PACSIN2: variants seen among roughly 807,000 people sequenced by gnomAD.
PACSIN2 encodes protein kinase C and casein kinase substrate in neurons 2.
PACSIN2 carries 25 observed loss-of-function variants against 63.8 expected under a neutral mutation model. The ratio of observed to expected loss-of-function variants is 0.39; its 90% CI spans 0.29 to 0.55. The LOEUF (loss-of-function observed/expected upper bound fraction) is 0.55, where lower values mean the gene tolerates loss of function less well. PACSIN2 is among the 20% of genes least tolerant of loss of function. PACSIN2 has a pLI of 0.62. For synonymous variants in PACSIN2, 255 were observed against 256.2 expected, an observed-to-expected ratio of 1.00 and a Z score of 0.05; for missense variants, 518 against 646.9, an observed-to-expected ratio of 0.80 and a Z score of 2.16.
chr22:42,911,142 G>C (rs1052043939), intron 2 of PACSIN2, among the ~76,000 whole-genome samples: 1 of 151,652 alleles, frequency 6.6e-6, no homozygotes, highest in African/African-American at 2.4e-5. Context: ...CTGACCTCAA[G>C]ATCCACCCGC....
At chr22:42,892,588 G>A (rs1929990818) in intron 3 of PACSIN2, among the ~76,000 whole-genome samples, 1 of 152,188 alleles carries the variant, frequency 6.6e-6, no homozygotes, top group Non-Finnish European at 1.5e-5. Flanking sequence ...ACCGACCAAG[G>A]GAGCTGACCT....
chr22:42,892,942 T>C (rs1381680722), intron 3 of PACSIN2, among the ~76,000 whole-genome samples: 2 of 152,170 alleles, frequency 1.3e-5, no homozygotes, highest in African/African-American at 4.8e-5. Flanking sequence ...GTGGCACTAA[T>C]AAAGCTACAG....
chr22:42,975,537 TTA>T, intron 1 of PACSIN2, among the ~76,000 whole-genome samples: 1 of 150,182 alleles, frequency 6.7e-6, no homozygotes, highest in Non-Finnish European at 1.5e-5. Flanking sequence ...TGCAGATTAC[TTA>T]TGAGTCTCTT....
intron 2 of PACSIN2, among the ~76,000 whole-genome samples, chr22:42,910,476 T>C (rs1456556718): frequency 5.3e-5 from 8 of 152,212 alleles, no homozygotes; most frequent in Admixed American, 3.3e-4. Flanking sequence ...CAGCGGGACC[T>C]GATTACTGTG....
intron 1 of PACSIN2, among the ~76,000 whole-genome samples, chr22:42,941,098 GGATTT>G (rs1933138664): frequency 6.6e-6 from 1 of 152,108 alleles, no homozygotes; most frequent in Admixed American, 6.5e-5. Flanking sequence ...CTGTCTCTAT[GGATTT>G]GCCTATGCTG....
chr22:42,991,433 T>C (rs1351794726), intron 1 of PACSIN2, among the ~76,000 whole-genome samples: 2 of 152,162 alleles, frequency 1.3e-5, no homozygotes, highest in Non-Finnish European at 2.9e-5. Context: ...AGAAGGCTTC[T>C]TCTCCCTCCA....
chr22:42,957,803 T>C (rs1463573893), intron 1 of PACSIN2, among the ~76,000 whole-genome samples: 6 of 152,180 alleles, frequency 3.9e-5, no homozygotes, highest in Non-Finnish European at 8.8e-5. Context: ...AGTGCTTGTC[T>C]GTTTCTTGTA....
chr22:42,898,701 G>T (rs186080829), intron 2 of PACSIN2, among the ~76,000 whole-genome samples: 1 of 152,112 alleles, frequency 6.6e-6, no homozygotes. Flanking sequence ...CCTTCCCCGA[G>T]CCCAGGACTC....
At chr22:43,009,037 G>C (rs1924280582) in intron 1 of PACSIN2, among the ~76,000 whole-genome samples, 1 of 152,210 alleles carries the variant, frequency 6.6e-6, no homozygotes, top group Non-Finnish European at 1.5e-5. Flanking sequence ...TCCAAATTCA[G>C]AGAGAAAAAC....
chr22:42,948,417 AGTG>A (rs1365534615), intron 1 of PACSIN2, among the ~76,000 whole-genome samples: 2 of 152,238 alleles, frequency 1.3e-5, no homozygotes, highest in African/African-American at 4.8e-5. Flanking sequence ...GCTATCTAGA[AGTG>A]AACTACCTAA....
In PACSIN2 at chr22:42,871,123, G is replaced by C. The variant is rs1207550238; in HGVS notation, c.*234C>G. 1.8e-6 allele frequency: 1 copy of C among 566,178 alleles called. No homozygotes were observed. The highest frequency in any genetic ancestry group is 2.9e-5 in the East Asian group (1 of 33,966). The allele number at this position is 566,178 out of a possible 1,614,324, so 35.1% of individuals were successfully genotyped here. On this transcript the variant is annotated 3_prime_UTR_variant, in exon 11 of 11. Transcript: ENST00000263246. This position sits in a 1 kb window ranked among gnomAD's most constrained non-coding sequence, Gnocchi z 5.4. ...GGCCAACAGGCACAGTGGGCGGGGAGGGGCGGCTATTTCTGTTGTTCTGCG... is the reference window on the plus strand; with the variant it reads ...GGCCAACAGGCACAGTGGGCGGGGACGGGCGGCTATTTCTGTTGTTCTGCG...
intron 1 of PACSIN2, among the ~76,000 whole-genome samples, chr22:43,012,352 C>T (rs1924559668): frequency 6.6e-6 from 1 of 150,728 alleles, no homozygotes; most frequent in South Asian, 2.1e-4. Context: ...CCCCTCTGCT[C>T]CCACTCCAGA....
intron 1 of PACSIN2, among the ~76,000 whole-genome samples, chr22:42,957,999 C>CTATGCAAATGG (rs1933983895): frequency 6.6e-6 from 1 of 151,888 alleles, no homozygotes; most frequent in South Asian, 2.1e-4. Flanking sequence ...AGGTAATTCA[C>CTATGCAAATGG]TATACATCTA....
Position 42,876,230 on chromosome 22 carries a change from A to G in PACSIN2, c.1255T>C (p.Phe419Leu). Residue 419 changes from phenylalanine to leucine, a missense_variant, in exon 10 of 11, where the codon TTC becomes CTC. Phe to Leu is a conservative substitution (Grantham distance 22). This residue lies in a region of PACSIN2 where 507 missense variants were observed against 612.3 expected (regional missense o/e 0.83). Transcript: ENST00000263246. ...STDANGDSNP[F>L]DDDATSGTEV... ...GTCCCCGAGGTGGCGTCGTCGTCGA[A>G]TGGATTCGAGTCCCCATTGGCATCC... 1 of 1,614,150 alleles carries G rather than the reference A, an allele frequency of 6.2e-7. No individual in the cohort carries two copies. The highest frequency in any genetic ancestry group is 1.1e-5 in the South Asian group (1 of 91,080).
chr22:42,900,099 C>T (rs1450454788), intron 2 of PACSIN2, among the ~76,000 whole-genome samples: 5 of 152,164 alleles, frequency 3.3e-5, no homozygotes, highest in African/African-American at 9.7e-5. Context: ...TGCAGCCCGT[C>T]CTTGCTGGAG....
intron 8 of PACSIN2, among the ~76,000 whole-genome samples, chr22:42,878,496 C>G (rs1928819249): frequency 6.6e-6 from 1 of 152,248 alleles, no homozygotes; most frequent in African/African-American, 2.4e-5. Flanking sequence ...CTAATGACCA[C>G]AGTGCCACCC....
rs11090124 is a variant in PACSIN2, at chr22:42,921,232, G to A, written c.-77-9075C>T. Among the ~76,000 whole-genome samples the A allele has an allele frequency of 8.9e-3, 1,353 of 152,086 alleles. 19 individuals carry two copies. The highest frequency in any genetic ancestry group is 0.031 in the African/African-American group (1,301 of 41,498). On this transcript the variant is annotated intron_variant, in intron 1 of 10. Coordinates refer to ENST00000263246, the MANE Select transcript of PACSIN2 (RefSeq NM_001184970.3). ...AAGTTAGCCAGGCGTGGTGGCACACGCCTGTAGTTCTAGCTGCTCGGGAGG... is the reference window on the plus strand; with the variant it reads ...AAGTTAGCCAGGCGTGGTGGCACACACCTGTAGTTCTAGCTGCTCGGGAGG...
At chr22:42,890,019 T>C (rs924191626) in intron 4 of PACSIN2, among the ~76,000 whole-genome samples, 1 of 151,518 alleles carries the variant, frequency 6.6e-6, no homozygotes, top group Non-Finnish European at 1.5e-5. Context: ...TTTTTTTTTT[T>C]TGAGACAGAG....
At chr22:42,969,603 T>C (rs545163692) in intron 1 of PACSIN2, among the ~76,000 whole-genome samples, 109 of 152,258 alleles carry the variant, frequency 7.2e-4, no homozygotes, top group African/African-American at 2.5e-3. Flanking sequence ...TCGCTGTAGA[T>C]TGGAAATAGT....
Sources: allele counts gnomAD v4.1 joint callset (sites outside exome capture counted in the v4.1 genomes callset), GRCh38; gene constraint gnomAD v4.1.1; regional missense constraint gnomAD v4.1.1; non-coding constraint Gnocchi (gnomAD v3.1); transcripts MANE v1.5; gene names NCBI Gene and HGNC (gene_info 2026-07-23, HGNC 2026-07-21).